CALN1: variants seen among roughly 807,000 people sequenced by gnomAD.
CALN1 encodes the protein calneuron 1.
A neutral mutation model predicts 30.6 loss-of-function variants in CALN1; 17 were observed. That is an observed-to-expected ratio of 0.56 (90% CI 0.38 to 0.83). The LOEUF is 0.83. Among genes scored for constraint, CALN1 ranks in the 40% least tolerant of loss-of-function variants. CALN1 has a pLI of 0.00. For missense variants in CALN1, 291 were observed against 354.9 expected, an observed-to-expected ratio of 0.82 and a Z score of 1.45; for synonymous variants, 156 against 131.4, an observed-to-expected ratio of 1.19 and a Z score of -1.28.
chr7:72,189,280 G>A lies in CALN1; in HGVS notation c.245-82986C>T, dbSNP rs551542179. 4.6e-5 allele frequency among the ~76,000 whole-genome samples: 7 copies of A among 152,272 alleles called. No homozygotes were observed. In the East Asian group the frequency reaches 7.7e-4, roughly 17 times the overall value. On this transcript the variant is annotated intron_variant, in intron 3 of 6. Transcript: ENST00000395275. ...GTTGCACTATTTCTGCTGTGTGTCCGAATTTCTAAAGTAATATCCGTGTAT... is the reference window on the plus strand; with the variant it reads ...GTTGCACTATTTCTGCTGTGTGTCCAAATTTCTAAAGTAATATCCGTGTAT...
chr7:71,786,671 C>T lies in CALN1; in HGVS notation c.*1104G>A, dbSNP rs1333075037. The T allele has an allele frequency of 1.3e-5, 2 of 151,734 alleles. No homozygotes were observed. The highest frequency in any genetic ancestry group is 2.9e-5 in the Non-Finnish European group (2 of 67,964). 9.4% of individuals were successfully genotyped at this position (151,734 alleles called of 1,614,324 possible). A position where few individuals can be genotyped will look rare whatever the true frequency, so the allele number is the denominator to read the frequency against. ...TCTTTCCATTTTGGATTGCATTTCT[C>T]TTTTTAGCTGGGGAAGACTAACAAA... On this transcript the variant is annotated 3_prime_UTR_variant, in exon 7 of 7. Transcript: ENST00000395275.
chr7:71,956,528 T>C (rs1353810469), intron 5 of CALN1, among the ~76,000 whole-genome samples: 1 of 150,492 alleles, frequency 6.6e-6, no homozygotes, highest in East Asian at 1.9e-4. Context: ...GGTGTCGTTA[T>C]GTTGCCCAGG....
chr7:72,366,140 T>A (rs999793559), intron 2 of CALN1, among the ~76,000 whole-genome samples: 3 of 130,818 alleles, frequency 2.3e-5, no homozygotes, highest in African/African-American at 7.4e-5. Flanking sequence ...GAATACTATT[T>A]TTTATCTTTT....
chr7:71,949,042 CTT>C (rs1796553687), intron 5 of CALN1, among the ~76,000 whole-genome samples: 1 of 57,488 alleles, frequency 1.7e-5, no homozygotes. Flanking sequence ...GACTCTGTCT[CTT>C]AAAAAAAAAA....
At chr7:72,408,625 C>T (rs900087011) in intron 1 of CALN1, among the ~76,000 whole-genome samples, 1 of 148,048 alleles carries the variant, frequency 6.8e-6, no homozygotes, top group Non-Finnish European at 1.5e-5. Context: ...GCAAGGATTG[C>T]ATGGTGGTCA....
At chr7:71,817,478 G>C (rs574145951) in intron 5 of CALN1, among the ~76,000 whole-genome samples, 20 of 152,138 alleles carry the variant, frequency 1.3e-4, no homozygotes, top group Non-Finnish European at 2.6e-4. Context: ...ATCTCTGTAA[G>C]GTCAGTTATA....
intron 3 of CALN1, among the ~76,000 whole-genome samples, chr7:72,272,101 G>A (rs1330380340): frequency 6.6e-6 from 1 of 151,700 alleles, no homozygotes; most frequent in African/African-American, 2.4e-5. Flanking sequence ...GCAAATAGGG[G>A]CTCCTAGAGA....
chr7:72,363,724 CTT>C (rs66989275), intron 2 of CALN1, among the ~76,000 whole-genome samples: 3,112 of 111,842 alleles, frequency 0.028, 85 homozygotes, highest in African/African-American at 0.096. Flanking sequence ...TTAAAAAAAA[CTT>C]TTTTTTTTTT....
chr7:72,254,455 T>C (rs1795777905), intron 3 of CALN1, among the ~76,000 whole-genome samples: 1 of 152,064 alleles, frequency 6.6e-6, no homozygotes, highest in Admixed American at 6.6e-5. Flanking sequence ...TCGTCTGCTG[T>C]CCCCACTCAT....
intron 2 of CALN1, among the ~76,000 whole-genome samples, chr7:72,400,393 G>C (rs1482532014): frequency 1.7e-4 from 26 of 152,194 alleles, no homozygotes; most frequent in Admixed American, 1.7e-3. Flanking sequence ...CATATGGACA[G>C]AGAAACCCAA....
chr7:71,893,114 T>A (rs1379628609), intron 5 of CALN1, among the ~76,000 whole-genome samples: 1 of 152,214 alleles, frequency 6.6e-6, no homozygotes, highest in Non-Finnish European at 1.5e-5. Flanking sequence ...ATTTTCTTGA[T>A]AAGCTATCTT....
chr7:72,200,646 C>A (rs1052971766), intron 3 of CALN1, among the ~76,000 whole-genome samples: 1 of 151,798 alleles, frequency 6.6e-6, no homozygotes, highest in African/African-American at 2.4e-5. Context: ...CATGCTATGC[C>A]CCTGGGGGAT....
At chr7:72,229,665 A>T (rs949377783) in intron 3 of CALN1, among the ~76,000 whole-genome samples, 1 of 152,002 alleles carries the variant, frequency 6.6e-6, no homozygotes, top group African/African-American at 2.4e-5. Flanking sequence ...CATCATTCTC[A>T]GCCAACTAAC....
chr7:72,368,522 A>G (rs1055760716), intron 2 of CALN1, among the ~76,000 whole-genome samples: 1 of 152,096 alleles, frequency 6.6e-6, no homozygotes, highest in African/African-American at 2.4e-5. Flanking sequence ...GAAAATACAA[A>G]GGAGAAATGA....
chr7:72,235,082 G>A (rs1214905796), intron 3 of CALN1, among the ~76,000 whole-genome samples: 4 of 151,982 alleles, frequency 2.6e-5, no homozygotes, highest in Non-Finnish European at 4.4e-5. Context: ...AGACCACCCT[G>A]AGCAATATAG....
In CALN1 at chr7:72,054,530, TAC is replaced by T. The variant is rs60209627; in HGVS notation, c.389-30763_389-30762del. Among the ~76,000 whole-genome samples, 102 of 69,168 alleles carry T rather than the reference TAC, an allele frequency of 1.5e-3. 9 individuals are homozygous for T. Among genetic ancestry groups the T allele is most frequent in the African/African-American group, 6.0e-3 (93 of 15,504 alleles). 45.4% of individuals were successfully genotyped at this position (69,168 alleles called of 152,430 possible). The stretch of plus-strand genomic sequence containing the variant: ...ATATACATATATATACATATATACA[TAC>T]ATATATATATACATATATATATATA... On this transcript the variant is annotated intron_variant, in intron 4 of 6. Coordinates refer to ENST00000395275, the MANE Select transcript of CALN1 (RefSeq NM_031468.4).
the CALN1 span, among the ~76,000 whole-genome samples, chr7:72,473,203 C>T: frequency 2.6e-5 from 4 of 151,838 alleles, no homozygotes; most frequent in African/African-American, 7.3e-5. Flanking sequence ...CACCCACTTC[C>T]GCCTCCCAAA....
At chr7:72,269,357 C>T (rs879849171) in intron 3 of CALN1, among the ~76,000 whole-genome samples, 1 of 151,906 alleles carries the variant, frequency 6.6e-6, no homozygotes, top group Non-Finnish European at 1.5e-5. Context: ...ATCCCTCCCC[C>T]CTGCCCCCAC....
intron 3 of CALN1, among the ~76,000 whole-genome samples, chr7:72,161,560 T>G (rs1420855575): frequency 6.6e-6 from 1 of 152,204 alleles, no homozygotes; most frequent in Non-Finnish European, 1.5e-5. Context: ...TAGAATTTGG[T>G]ACCTAAAATG....
Sources: gnomAD v4.1 joint callset for allele counts (sites outside exome capture counted in the v4.1 genomes callset) on GRCh38, gnomAD v4.1.1 for gene constraint, MANE v1.5 for transcripts, NCBI Gene and HGNC (gene_info 2026-07-23, HGNC 2026-07-21) for gene names.